Variants in AGFG1 observed in about 807,000 individuals in gnomAD.
The protein encoded by AGFG1 is ArfGAP with FG repeats 1.
In AGFG1, 10 loss-of-function variants were observed where a neutral mutation model predicts 60.6. The ratio of observed to expected loss-of-function variants is 0.16; its 90% CI spans 0.10 to 0.28. The LOEUF (loss-of-function observed/expected upper bound fraction) is 0.28, where lower values mean the gene tolerates loss of function less well. AGFG1 is among the 10% of genes least tolerant of loss of function. The probability of loss-of-function intolerance (pLI) is 1.00; values close to 1 mark genes in which losing one functional copy is unlikely to be tolerated. For missense variants in AGFG1, 537 were observed against 676.5 expected (o/e 0.79, Z 2.29); for synonymous variants, 247 against 242.9 (o/e 1.02, Z -0.16).
At chr2:227,518,306 A>G (rs186613094) in intron 2 of AGFG1, among the ~76,000 whole-genome samples, 73 of 152,282 alleles carry the variant, frequency 4.8e-4, no homozygotes, top group Admixed American at 3.0e-3. Context: ...TTTTTCTTGA[A>G]TAAATACCTA....
chr2:227,485,702 C>G (rs150998010), intron 1 of AGFG1, among the ~76,000 whole-genome samples: 1 of 152,306 alleles, frequency 6.6e-6, no homozygotes, highest in African/African-American at 2.4e-5. Flanking sequence ...AATCTGCTCT[C>G]TACCTGATTT....
chr2:227,535,138 T>G, intron 8 of AGFG1, 113 bp downstream of exon 8: 1 of 1,209,158 alleles, frequency 8.3e-7, no homozygotes, highest in East Asian at 2.8e-5. Flanking sequence ...TCTTGGATAT[T>G]TTTGTAAATT....
intron 1 of AGFG1, among the ~76,000 whole-genome samples, chr2:227,472,815 G>A (rs965852011): frequency 6.6e-6 from 1 of 151,804 alleles, no homozygotes; most frequent in Non-Finnish European, 1.5e-5. Flanking sequence ...GCCGGGCGAG[G>A]GTTTACGTTC....
chr2:227,524,338 T>C (rs1244036720), intron 4 of AGFG1, among the ~76,000 whole-genome samples: 1 of 152,176 alleles, frequency 6.6e-6, no homozygotes, highest in Non-Finnish European at 1.5e-5. Context: ...TTCCCACATG[T>C]GTGATTGTGA....
Position 227,561,074 on chromosome 2 carries a change from T to C in AGFG1, c.*6579T>C, listed in dbSNP as rs560784003. 66 of 152,282 alleles carry C rather than the reference T, an allele frequency of 4.3e-4. No individual in the cohort carries two copies. The highest frequency in any genetic ancestry group is 1.5e-3 in the African/African-American group (62 of 41,578). 9.4% of individuals were successfully genotyped at this position (152,282 alleles called of 1,614,324 possible). A position where few individuals can be genotyped will look rare whatever the true frequency, so the allele number is the denominator to read the frequency against. The stretch of plus-strand genomic sequence containing the variant: ...TTAGTTCAGGAGGTGGTTTTAAATA[T>C]TGGATGAAAACTTACAGGCTGTTTT... On this transcript the variant is annotated 3_prime_UTR_variant, in exon 13 of 13. Coordinates refer to ENST00000310078, the MANE Select transcript of AGFG1 (RefSeq NM_004504.5).
At chr2:227,537,902 C>T (rs946154798) in intron 10 of AGFG1, among the ~76,000 whole-genome samples, 3 of 152,068 alleles carry the variant, frequency 2.0e-5, no homozygotes, top group African/African-American at 4.8e-5. Context: ...TTGTCATTGA[C>T]AAGATTAAGA....
intron 10 of AGFG1, among the ~76,000 whole-genome samples, chr2:227,549,694 A>T (rs1300404452): frequency 6.6e-6 from 1 of 152,218 alleles, no homozygotes; most frequent in Non-Finnish European, 1.5e-5. Flanking sequence ...ATGCTGGATA[A>T]TCTCATATGA....
At chr2:227,529,818 TTAAA>T (rs1169982493) in intron 5 of AGFG1, among the ~76,000 whole-genome samples, 1 of 151,910 alleles carries the variant, frequency 6.6e-6, no homozygotes, top group African/African-American at 2.4e-5. Flanking sequence ...GGTGCCCTTT[TTAAA>T]GGGGATGTTC....
chr2:227,545,368 C>T (rs879612313), intron 10 of AGFG1, among the ~76,000 whole-genome samples: 1 of 152,210 alleles, frequency 6.6e-6, no homozygotes, highest in Non-Finnish European at 1.5e-5. Flanking sequence ...TCTAATCTTT[C>T]TTCAAGGTTT....
chr2:227,482,055 C>T (rs142082110), intron 1 of AGFG1, among the ~76,000 whole-genome samples: 5,453 of 151,828 alleles, frequency 0.036, 135 homozygotes, highest in Non-Finnish European at 0.045. Flanking sequence ...TTAGTAAAGA[C>T]GGGGTTTCAC....
intron 5 of AGFG1, 38 bp downstream of exon 5, chr2:227,524,953 A>G (rs567316569): frequency 1.2e-6 from 2 of 1,607,860 alleles, no homozygotes; most frequent in African/African-American, 1.3e-5. Flanking sequence ...CTGGGGATGC[A>G]TATAAAACAC....
intron 2 of AGFG1, among the ~76,000 whole-genome samples, chr2:227,499,461 AAAACCCCATCTCTACT>A (rs145646624): frequency 0.053 from 8,033 of 151,982 alleles, 263 homozygotes; most frequent in African/African-American, 0.094. Flanking sequence ...GCAACATGGC[AAAACCCCATCTCTACT>A]AAAAATACAA....
chr2:227,485,861 T>C (rs144977616), intron 1 of AGFG1, among the ~76,000 whole-genome samples: 2 of 152,256 alleles, frequency 1.3e-5, no homozygotes, highest in African/African-American at 2.4e-5. Flanking sequence ...TCGTAACTGG[T>C]AATTCAGATA....
Position 227,524,773 on chromosome 2 carries a change from A to C in AGFG1, c.552A>C (p.Val184=). The C allele has an allele frequency of 1.2e-6, 2 of 1,614,130 alleles. No individual in the cohort carries two copies. Among genetic ancestry groups the C allele is most frequent in the Non-Finnish European group, 1.7e-6 (2 of 1,179,972 alleles). The change falls in exon 5 of 13, where the codon GTA becomes GTC. Residue 184 remains valine (V), a synonymous_variant. Transcript: ENST00000310078. The part of the protein sequence containing the change: ...NKGTPSQSPV[V]GRSQGQQQEK... ...TATGTGGTTTGTAGTCCCCAGTTGT[A>C]GGTCGTTCTCAAGGGCAGCAGCAGG... is the stretch of plus-strand genomic sequence containing the variant.
intron 2 of AGFG1, among the ~76,000 whole-genome samples, chr2:227,504,672 G>A (rs1311636089): frequency 3.9e-5 from 6 of 152,324 alleles, no homozygotes; most frequent in East Asian, 1.9e-4. Context: ...AATTGCCCTT[G>A]TGGGCCTTCT....
Position 227,535,022 on chromosome 2 carries a change from G to A in AGFG1, c.1202G>A (p.Ser401Asn), listed in dbSNP as rs1332298346. ...SNAYTSTSNASSNVFGTVPVV... is the reference protein window; with the variant it reads ...SNAYTSTSNANSNVFGTVPVV... The stretch of plus-strand genomic sequence containing the variant: ...GCGTATACTTCCACAAGTAATGCTA[G>A]CAGGTACCTTGTCTTAGCTAGCCCT... Residue 401 changes from serine (S) to asparagine (N), a missense_variant, in exon 8 of 13, where the codon AGC becomes AAC. Around this residue, in one of 4 missense-constraint regions of AGFG1, gnomAD observed 287 missense variants for 343.6 expected, o/e 0.84. Transcript: ENST00000310078. The A allele has an allele frequency of 6.2e-7, 1 of 1,605,298 alleles. No individual in the cohort carries two copies. Among genetic ancestry groups the A allele is most frequent in the Non-Finnish European group, 8.5e-7 (1 of 1,175,086 alleles).
chr2:227,518,566 C>T (rs1310066449), intron 2 of AGFG1, among the ~76,000 whole-genome samples: 1 of 148,222 alleles, frequency 6.7e-6, no homozygotes, highest in Admixed American at 6.8e-5. Flanking sequence ...TCTTGTCGCC[C>T]AGGCTGGAGT....
chr2:227,530,663 AAGTATTTCAGTTATTATTCAGATTC>A (rs66883049), intron 5 of AGFG1, among the ~76,000 whole-genome samples: 90,751 of 151,824 alleles, frequency 0.6, 27,202 homozygotes, highest in South Asian at 0.7. Context: ...TTATTATTTT[AAGTATTTCAGTTATTATTCAGATTC>A]ACATAGTTGA....
intron 2 of AGFG1, among the ~76,000 whole-genome samples, chr2:227,510,292 T>C (rs886446551): frequency 2.7e-4 from 41 of 152,030 alleles, no homozygotes; most frequent in Admixed American, 2.7e-3. Context: ...ACACCCCTGA[T>C]TGTACCAGGA....
Sources: allele counts gnomAD v4.1 joint callset (sites outside exome capture counted in the v4.1 genomes callset), GRCh38; gene constraint gnomAD v4.1.1; regional missense constraint gnomAD v4.1.1; transcripts MANE v1.5; gene names NCBI Gene and HGNC (gene_info 2026-07-23, HGNC 2026-07-21).